TMEM120B: variants seen among roughly 807,000 people sequenced by gnomAD.
TMEM120B encodes transmembrane protein 120B.
In TMEM120B, 31 loss-of-function variants were observed where a neutral mutation model predicts 55.5. That is an observed-to-expected ratio of 0.56 (90% CI 0.42 to 0.75). The LOEUF (loss-of-function observed/expected upper bound fraction) is 0.75, where lower values mean the gene tolerates loss of function less well. Among genes scored for constraint, TMEM120B ranks in the 30% least tolerant of loss-of-function variants. The probability of loss-of-function intolerance (pLI) is 0.00; values close to 1 mark genes in which losing one functional copy is unlikely to be tolerated. For missense variants in TMEM120B, 399 were observed against 425.5 expected (o/e 0.94, Z 0.55); for synonymous variants, 203 against 176.3 (o/e 1.15, Z -1.20).
chr12:121,748,237 A>G, intron 2 of TMEM120B, 89 bp from the exon 3 acceptor site: 1 of 850,646 alleles, frequency 1.2e-6, no homozygotes, highest in Non-Finnish European at 1.9e-6. Context: ...GCACTGGGGT[A>G]GAAGGTGGGA....
At chr12:121,770,192 C>T (rs1054730477) in intron 6 of TMEM120B, among the ~76,000 whole-genome samples, 1 of 152,108 alleles carries the variant, frequency 6.6e-6, no homozygotes, top group Non-Finnish European at 1.5e-5. Context: ...GAGGTACTGG[C>T]GGGGCTGGTT....
intron 2 of TMEM120B, among the ~76,000 whole-genome samples, chr12:121,746,410 C>T (rs1873085320): frequency 6.6e-6 from 1 of 152,142 alleles, no homozygotes; most frequent in South Asian, 2.1e-4. Context: ...TGGTCTTGAA[C>T]TCCCAACCTC....
intron 1 of TMEM120B, among the ~76,000 whole-genome samples, chr12:121,727,667 A>G (rs1388429936): frequency 6.6e-6 from 1 of 151,518 alleles, no homozygotes; most frequent in African/African-American, 2.4e-5. Context: ...AGGTCAGGAG[A>G]TAGAGACCAT....
chr12:121,749,639 C>T (rs1478974673), intron 3 of TMEM120B, among the ~76,000 whole-genome samples: 1 of 152,220 alleles, frequency 6.6e-6, no homozygotes, highest in Non-Finnish European at 1.5e-5. Flanking sequence ...GGCACAGTGG[C>T]TCATGCCTGT....
chr12:121,766,408 A>C (rs918759931), intron 6 of TMEM120B, among the ~76,000 whole-genome samples: 1 of 152,188 alleles, frequency 6.6e-6, no homozygotes, highest in Non-Finnish European at 1.5e-5. Flanking sequence ...CAAGGAGGTC[A>C]GGAGGGCTCA....
intron 1 of TMEM120B, among the ~76,000 whole-genome samples, chr12:121,717,960 A>T (rs182583484): frequency 6.6e-6 from 1 of 152,104 alleles, no homozygotes; most frequent in Non-Finnish European, 1.5e-5. Context: ...CCAGCCGGGC[A>T]TCTTTCTTTA....
intron 5 of TMEM120B, among the ~76,000 whole-genome samples, chr12:121,757,179 T>A (rs1326246592): frequency 1.3e-5 from 2 of 151,654 alleles, no homozygotes; most frequent in Non-Finnish European, 2.9e-5. Context: ...TTTATATTTT[T>A]GAGACAGAGT....
intron 6 of TMEM120B, among the ~76,000 whole-genome samples, chr12:121,762,059 G>A (rs1312795965): frequency 2.0e-5 from 3 of 152,212 alleles, no homozygotes; most frequent in African/African-American, 2.4e-5. Context: ...TTGGGAGGCC[G>A]AGGGGGGCAG....
chr12:121,732,068 C>A (rs1226779883), intron 1 of TMEM120B, among the ~76,000 whole-genome samples: 1 of 152,142 alleles, frequency 6.6e-6, no homozygotes, highest in African/African-American at 2.4e-5. Flanking sequence ...ACCCAAAAGG[C>A]AGAGGTTGCA....
intron 5 of TMEM120B, among the ~76,000 whole-genome samples, chr12:121,756,547 A>G (rs965004415): frequency 1.3e-5 from 2 of 152,214 alleles, no homozygotes; most frequent in Admixed American, 6.5e-5. Context: ...TGTCACACAG[A>G]CTTATCCAGT....
At chr12:121,731,495 T>A (rs1446356549) in intron 1 of TMEM120B, among the ~76,000 whole-genome samples, 1 of 152,196 alleles carries the variant, frequency 6.6e-6, no homozygotes, top group African/African-American at 2.4e-5. Context: ...CCTCAAGTGA[T>A]CTGCCCTAGG....
chr12:121,762,639 C>T (rs1014237715), intron 6 of TMEM120B, among the ~76,000 whole-genome samples: 3 of 152,112 alleles, frequency 2.0e-5, no homozygotes, highest in African/African-American at 4.8e-5. Flanking sequence ...AGGAATGGTT[C>T]CTCAGAGGAA....
At chr12:121,761,529 A>G (rs1332327312) in intron 5 of TMEM120B, 120 bp from the exon 6 acceptor site, 2 of 686,274 alleles carry the variant, frequency 2.9e-6, no homozygotes, top group East Asian at 2.7e-5. Flanking sequence ...AAGGGCTTCC[A>G]GAGGCAGCGC....
chr12:121,760,688 A>G (rs184149994), intron 5 of TMEM120B, among the ~76,000 whole-genome samples: 52 of 152,246 alleles, frequency 3.4e-4, no homozygotes, highest in African/African-American at 1.2e-3. Context: ...TTTCCTATCT[A>G]TAGGGAGATT....
chr12:121,718,438 G>A (rs1259428444), intron 1 of TMEM120B, among the ~76,000 whole-genome samples: 3 of 152,144 alleles, frequency 2.0e-5, no homozygotes, highest in Admixed American at 2.0e-4. Context: ...CCCAGAAGGC[G>A]GAGGTTGCAG....
At chr12:121,771,058 C>A (rs540576216) in intron 7 of TMEM120B, 86 bp downstream of exon 7, 1 of 1,440,206 alleles carries the variant, frequency 6.9e-7, no homozygotes, top group Non-Finnish European at 9.6e-7. Flanking sequence ...ATCCAGACAG[C>A]GGTGGGGGGT....
intron 1 of TMEM120B, among the ~76,000 whole-genome samples, chr12:121,725,355 G>A (rs1378660748): frequency 6.6e-6 from 1 of 152,118 alleles, no homozygotes; most frequent in Non-Finnish European, 1.5e-5. Flanking sequence ...TCCCATTTTT[G>A]GGTGAGGGTC....
At chr12:121,765,385 C>G (rs1324810031) in intron 6 of TMEM120B, among the ~76,000 whole-genome samples, 5 of 152,150 alleles carry the variant, frequency 3.3e-5, no homozygotes, top group Non-Finnish European at 5.9e-5. Flanking sequence ...TCACCTCGGC[C>G]TTCTGAAGTG....
chr12:121,744,809 G>A (rs1308887604), intron 2 of TMEM120B, among the ~76,000 whole-genome samples: 1 of 152,170 alleles, frequency 6.6e-6, no homozygotes, highest in Admixed American at 6.5e-5. Flanking sequence ...TTGGAGGAAG[G>A]TCCTGATTAT....
Sources: allele counts gnomAD v4.1 joint callset (sites outside exome capture counted in the v4.1 genomes callset), GRCh38; gene constraint gnomAD v4.1.1; transcripts MANE v1.5; gene names NCBI Gene and HGNC (gene_info 2026-07-23, HGNC 2026-07-21).